Variants in DLGAP5 observed in about 807,000 individuals in gnomAD.
The protein encoded by DLGAP5 is DLG associated protein 5, also known as disks large-associated protein 5.
In DLGAP5, 90 loss-of-function variants were observed where a neutral mutation model predicts 99.6. The observed-to-expected ratio is 0.90, with a 90% CI of 0.76 to 1.08. DLGAP5 has a LOEUF of 1.08. Ranked by LOEUF, DLGAP5 falls within the 50% of genes least tolerant of loss-of-function variation. DLGAP5 has a pLI of 0.00. For synonymous variants in DLGAP5, 311 were observed against 321.3 expected (o/e 0.97, Z 0.34); for missense variants, 1,036 against 983.5 (o/e 1.05, Z -0.71).
At chr14:55,182,680 C>T (rs905076411) in intron 3 of DLGAP5, among the ~76,000 whole-genome samples, 3 of 152,172 alleles carry the variant, frequency 2.0e-5, no homozygotes, top group African/African-American at 7.2e-5. Flanking sequence ...TTGGAATCAT[C>T]ATTAATATGA....
chr14:55,169,497 G>T lies in DLGAP5; in HGVS notation c.1450C>A (p.Gln484Lys), dbSNP rs780822145. The change falls in exon 12 of 19, where the codon CAG becomes AAG. Residue 484 changes from glutamine (Q) to lysine (K), a missense_variant. Coordinates refer to ENST00000247191, the MANE Select transcript of DLGAP5 (RefSeq NM_014750.5). The part of the protein sequence containing the change: ...TRLLMKERFK[Q>K]FEGLVDDCEY... The stretch of plus-strand genomic sequence containing the variant: ...CAATCATCAACCAGTCCTTCAAACT[G>T]TTTAAACCTTTCCTTCATAAGGAGT... 6.2e-7 allele frequency: 1 copy of T among 1,612,888 alleles called. No homozygotes were observed. The highest frequency in any genetic ancestry group is 8.5e-7 in the Non-Finnish European group (1 of 1,179,588).
In DLGAP5 at chr14:55,180,636, G is replaced by A. The variant is rs377587883; in HGVS notation, c.703+20C>T. The A allele has an allele frequency of 5.6e-6, 9 of 1,613,660 alleles. No individual in the cohort carries two copies. Among genetic ancestry groups the A allele is most frequent in the Non-Finnish European group, 7.6e-6 (9 of 1,179,818 alleles). Reference sequence around the variant, plus strand: ...GACCAAACATTCTAGTTCAGTCACTGATCAAGGAATAGTTCTCACCATTAG... The same window carrying A: ...GACCAAACATTCTAGTTCAGTCACTAATCAAGGAATAGTTCTCACCATTAG... On this transcript the variant is annotated intron_variant, in intron 6 of 18. Coordinates refer to ENST00000247191, the MANE Select transcript of DLGAP5 (RefSeq NM_014750.5).
rs144312189 is a variant in DLGAP5, at chr14:55,154,859, T to C, written c.1874-53A>G. 3.4e-6 allele frequency: 5 copies of C among 1,490,080 alleles called. No homozygotes were observed. In the African/African-American group the frequency reaches 7.0e-5, roughly 21 times the overall value. 92.3% of individuals were successfully genotyped at this position (1,490,080 alleles called of 1,614,324 possible). On this transcript the variant is annotated intron_variant, in intron 14 of 18. Transcript: ENST00000247191. The stretch of plus-strand genomic sequence containing the variant: ...ACCAAATAGTTCTTTTGCTTTTCAT[T>C]ATAACTAGGAATACGGTGAAAATCC...
intron 7 of DLGAP5, among the ~76,000 whole-genome samples, chr14:55,177,788 AG>A (rs1566505803): frequency 6.6e-6 from 1 of 151,120 alleles, no homozygotes; most frequent in East Asian, 2.0e-4. Flanking sequence ...CCGCCCGCCT[AG>A]GCCTCCCAAA....
At position 55,182,428 on chromosome 14, in the gene DLGAP5, A is replaced by G. The variant is rs1034858894; in HGVS notation, c.437T>C (p.Ile146Thr). ...CCTTGTAATCCGTACAGAAGATGGAATAGCCTTAGAACAGTCAAAAGAAGA... is the reference window on the plus strand; with the variant it reads ...CCTTGTAATCCGTACAGAAGATGGAGTAGCCTTAGAACAGTCAAAAGAAGA... ...NAVKAEPKKAIPSSVRITRSK... is the reference protein window; with the variant it reads ...NAVKAEPKKATPSSVRITRSK... Residue 146 changes from isoleucine to threonine, a missense_variant, in exon 4 of 19, where the codon ATT becomes ACT. By Grantham distance (89) the Ile-to-Thr change is moderately conservative. Transcript: ENST00000247191. 1 of 1,612,228 alleles carries G rather than the reference A, an allele frequency of 6.2e-7. No homozygotes were observed.
At chr14:55,175,575 T>A in intron 9 of DLGAP5, 103 bp from the exon 10 acceptor site, 1 of 790,656 alleles carries the variant, frequency 1.3e-6, no homozygotes, top group Non-Finnish European at 2.0e-6. Context: ...TGTTTAATTT[T>A]AAAATTTTAT....
intron 6 of DLGAP5, 63 bp from the exon 7 acceptor site, chr14:55,179,762 C>A: frequency 7.4e-7 from 1 of 1,357,112 alleles, no homozygotes; most frequent in South Asian, 1.3e-5. Context: ...TACTAGGTAA[C>A]TTGGGAAAGG....
chr14:55,189,217 T>C (rs1203879904), intron 1 of DLGAP5, 37 bp from the exon 2 acceptor site: 3 of 1,500,986 alleles, frequency 2.0e-6, no homozygotes, highest in Non-Finnish European at 2.8e-6. Context: ...CTTACATGAA[T>C]TTTCATTATT....
chr14:55,165,373 A>G (rs1462506594), intron 12 of DLGAP5, among the ~76,000 whole-genome samples: 1 of 152,070 alleles, frequency 6.6e-6, no homozygotes, highest in Non-Finnish European at 1.5e-5. Context: ...AAATATAAAA[A>G]TTAGCCAGTC....
At chr14:55,178,580 A>G (rs1484770861) in intron 7 of DLGAP5, among the ~76,000 whole-genome samples, 2 of 152,240 alleles carry the variant, frequency 1.3e-5, no homozygotes, top group Non-Finnish European at 2.9e-5. Context: ...CCAGCATGGC[A>G]GTCAAAGCAA....
chr14:55,149,162 A>G (rs921974371), intron 18 of DLGAP5, among the ~76,000 whole-genome samples: 1 of 152,232 alleles, frequency 6.6e-6, no homozygotes, highest in African/African-American at 2.4e-5. Flanking sequence ...GATAATTGTG[A>G]TGTACTCTTA....
At position 55,162,968 on chromosome 14, in the gene DLGAP5, T is replaced by C; in HGVS notation, c.1653+3A>G. On this transcript the variant is annotated splice_donor_region_variant and intron_variant, in intron 13 of 18. Coordinates refer to ENST00000247191, the MANE Select transcript of DLGAP5 (RefSeq NM_014750.5). ...AAATTGGATATAAAACCCACAAACT[T>C]ACCCTAAAGACATTTTTGTTCATAT... The C allele has an allele frequency of 6.5e-7, 1 of 1,538,270 alleles. No individual in the cohort carries two copies. Among genetic ancestry groups the C allele is most frequent in the Non-Finnish European group, 8.8e-7 (1 of 1,139,374 alleles).
intron 3 of DLGAP5, 86 bp downstream of exon 3, chr14:55,183,474 T>G: frequency 8.8e-7 from 1 of 1,135,878 alleles, no homozygotes; most frequent in Non-Finnish European, 1.2e-6. Context: ...ATAATGAGAC[T>G]AAGGGAAAGG....
At chr14:55,170,863 T>A in intron 10 of DLGAP5, 76 bp from the exon 11 acceptor site, 2 of 1,008,016 alleles carry the variant, frequency 2.0e-6, no homozygotes, top group Non-Finnish European at 3.1e-6. Flanking sequence ...AACATCATGA[T>A]ACATAACATT....
At chr14:55,153,000 A>T (rs187360690) in intron 15 of DLGAP5, among the ~76,000 whole-genome samples, 8 of 152,338 alleles carry the variant, frequency 5.3e-5, no homozygotes, top group Admixed American at 5.2e-4. Flanking sequence ...CAACAATTCA[A>T]TTATTGTCTA....
intron 14 of DLGAP5, 54 bp from the exon 15 acceptor site, chr14:55,154,860 A>T (rs1290668219): frequency 2.0e-6 from 3 of 1,466,210 alleles, no homozygotes; most frequent in South Asian, 2.4e-5. Flanking sequence ...GCTTTTCATT[A>T]TAACTAGGAA....
chr14:55,179,528 G>A, intron 7 of DLGAP5, 101 bp downstream of exon 7: 1 of 966,212 alleles, frequency 1.0e-6, no homozygotes. Flanking sequence ...ACACATGTAG[G>A]TTAACCTTTT....
intron 2 of DLGAP5, among the ~76,000 whole-genome samples, chr14:55,186,838 G>A (rs1204040077): frequency 6.6e-6 from 1 of 152,178 alleles, no homozygotes; most frequent in Admixed American, 6.5e-5. Context: ...TTTCTACTCG[G>A]TTTCTAGGAT....
chr14:55,150,770 A>G (rs1408954494), intron 18 of DLGAP5, 29 bp downstream of exon 18: 2 of 1,521,020 alleles, frequency 1.3e-6, no homozygotes, highest in Non-Finnish European at 1.8e-6. Flanking sequence ...TCTAGAATAT[A>G]AAGGGACTTG....
Sources: allele counts gnomAD v4.1 joint callset (sites outside exome capture counted in the v4.1 genomes callset), GRCh38; gene constraint gnomAD v4.1.1; transcripts MANE v1.5; gene names NCBI Gene and HGNC (gene_info 2026-07-23, HGNC 2026-07-21).